RBM39: variants seen among roughly 807,000 people sequenced by gnomAD.
RBM39 encodes the protein RNA-binding protein 39.
A neutral mutation model predicts 79.6 loss-of-function variants in RBM39; 12 were observed. That is an observed-to-expected ratio of 0.15 (90% CI 0.10 to 0.24). The LOEUF (loss-of-function observed/expected upper bound fraction) is 0.24, where lower values mean the gene tolerates loss of function less well. Ranked by LOEUF, RBM39 falls within the 10% of genes least tolerant of loss-of-function variation. RBM39 has a pLI of 1.00. For missense variants in RBM39, 243 were observed against 653.4 expected (o/e 0.37, Z 6.85); for synonymous variants, 185 against 208.4 (o/e 0.89, Z 0.97).
At chr20:35,731,791 CTAG>C in intron 4 of RBM39, 147 bp downstream of exon 4, 2 of 793,202 alleles carry the variant, frequency 2.5e-6, no homozygotes, top group Non-Finnish European at 4.1e-6. Flanking sequence ...TTTCACTTTA[CTAG>C]TATTCAATGC....
At chr20:35,734,152 G>C (rs1003520676) in intron 3 of RBM39, 23 of 1,230,744 alleles carry the variant, frequency 1.9e-5, no homozygotes, top group Non-Finnish European at 2.4e-5. Flanking sequence ...GTCATCTTTA[G>C]AGTGCATTGA....
chr20:35,731,572 A>G (rs1247826184), intron 4 of RBM39: 1 of 191,964 alleles, frequency 5.2e-6, no homozygotes, highest in Non-Finnish European at 1.1e-5. Flanking sequence ...TTAAGTAAAT[A>G]TGTATTTAGC....
chr20:35,704,789 C>G (rs774289801), intron 15 of RBM39, 43 bp from the exon 16 acceptor site: 1 of 1,540,290 alleles, frequency 6.5e-7, no homozygotes, highest in South Asian at 1.1e-5. Flanking sequence ...TTGCTGTATG[C>G]AAAATGGACC....
At chr20:35,740,737 G>T (rs1424992406) in intron 2 of RBM39, 87 bp downstream of exon 2, 4 of 1,406,458 alleles carry the variant, frequency 2.8e-6, no homozygotes, top group Non-Finnish European at 4.0e-6. Flanking sequence ...GAGGGCTCCG[G>T]GGAGGTTAGT....
At chr20:35,707,256 CAT>C (rs1171536943) in intron 13 of RBM39, 55 bp from the exon 14 acceptor site, 19 of 1,296,532 alleles carry the variant, frequency 1.5e-5, no homozygotes, top group Non-Finnish European at 1.9e-5. Context: ...AAGTATCCCT[CAT>C]AAATACTTTA....
chr20:35,731,873 A>C, intron 4 of RBM39, 68 bp downstream of exon 4: 2 of 1,352,240 alleles, frequency 1.5e-6, no homozygotes, highest in South Asian at 1.2e-5. Flanking sequence ...CAAATCACTC[A>C]AGTTAAACTG....
chr20:35,737,711 T>TGC, intron 3 of RBM39, among the ~76,000 whole-genome samples: 1 of 150,786 alleles, frequency 6.6e-6, no homozygotes, highest in Non-Finnish European at 1.5e-5. Context: ...TAGCCAGGCA[T>TGC]GGTGGCAGGC....
At chr20:35,734,817 C>T in intron 3 of RBM39, 2 of 1,386,824 alleles carry the variant, frequency 1.4e-6, no homozygotes, top group Non-Finnish European at 1.9e-6. Context: ...AGTATATTTC[C>T]AGCTTCAAAG....
intron 9 of RBM39, among the ~76,000 whole-genome samples, chr20:35,717,646 C>A (rs1397411163): frequency 6.6e-6 from 1 of 152,158 alleles, no homozygotes; most frequent in Non-Finnish European, 1.5e-5. Context: ...TGAACTGTAA[C>A]ACAATCTCCT....
intron 12 of RBM39, chr20:35,710,445 T>G (rs930149251): frequency 1.3e-5 from 2 of 152,186 alleles, no homozygotes; most frequent in Non-Finnish European, 2.9e-5. Flanking sequence ...AATGTATAGA[T>G]ATCAGAAATC....
chr20:35,722,438 A>T (rs1429733451), intron 8 of RBM39, among the ~76,000 whole-genome samples: 90 of 133,082 alleles, frequency 6.8e-4, no homozygotes, highest in African/African-American at 2.4e-3. Flanking sequence ...AAAAATAAAA[A>T]TAAAAAGTTT....
At position 35,736,427 on chromosome 20, in the gene RBM39, C is replaced by T. The variant is rs1327050283; in HGVS notation, c.101+2541G>A. 3 of 323,450 alleles carry T rather than the reference C, an allele frequency of 9.3e-6. No homozygotes were observed. The Admixed American group carries it at 1.2e-4, about 13-fold the overall frequency. The allele number at this position is 323,450 out of a possible 1,614,324, so 20.0% of individuals were successfully genotyped here. A position where few individuals can be genotyped will look rare whatever the true frequency, so the allele number is the denominator to read the frequency against. The stretch of plus-strand genomic sequence containing the variant: ...CCATTACCACATTATTTTAGGGGAA[C>T]TACAAAAAAAAAAAATAGTGGCTTA... On this transcript the variant is annotated intron_variant, in intron 3 of 16. Transcript: ENST00000253363.
At chr20:35,722,769 T>C (rs2038142028) in intron 8 of RBM39, among the ~76,000 whole-genome samples, 2 of 151,392 alleles carry the variant, frequency 1.3e-5, no homozygotes, top group Admixed American at 6.6e-5. Context: ...CCGTCTCTAC[T>C]AAAAATACAA....
intron 12 of RBM39, among the ~76,000 whole-genome samples, chr20:35,711,726 T>C (rs2036442171): frequency 6.6e-6 from 1 of 152,196 alleles, no homozygotes; most frequent in Admixed American, 6.5e-5. Context: ...TAATTGAATA[T>C]TGAGCTTTCA....
intron 13 of RBM39, chr20:35,707,930 C>T (rs1041441303): frequency 4.3e-6 from 2 of 465,930 alleles, no homozygotes; most frequent in South Asian, 1.6e-5. Context: ...GTAGCTGTTA[C>T]AGAACTCACC....
chr20:35,727,263 T>A (rs6119645), intron 6 of RBM39, among the ~76,000 whole-genome samples: 2 of 151,856 alleles, frequency 1.3e-5, no homozygotes, highest in Admixed American at 1.3e-4. Context: ...CTGGGTGGGA[T>A]TGCTTATGAC....
In RBM39 at chr20:35,703,789, A is replaced by G. The variant is rs1249709707; in HGVS notation, c.*692T>C. The G allele has an allele frequency of 6.6e-6, 1 of 152,468 alleles. No homozygotes were observed. The highest frequency in any genetic ancestry group is 2.4e-5 in the African/African-American group (1 of 41,432). 9.4% of individuals were successfully genotyped at this position (152,468 alleles called of 1,614,324 possible). ...GATTATATGCAACCAGACAAAACCT[A>G]TTTCTGCATTTCCTATTTCTTTCTC... On this transcript the variant is annotated 3_prime_UTR_variant, in exon 17 of 17. Transcript: ENST00000253363.
chr20:35,736,421 G>T, intron 3 of RBM39: 1 of 324,440 alleles, frequency 3.1e-6, no homozygotes. Context: ...CATTATTTTA[G>T]GGGAACTACA....
chr20:35,731,359 CTT>C (rs1350497457), intron 4 of RBM39: 1 of 152,180 alleles, frequency 6.6e-6, no homozygotes, highest in Non-Finnish European at 1.5e-5. Flanking sequence ...CTTCAAAACA[CTT>C]TTAGTTTGGA....
Sources: gnomAD v4.1 joint callset for allele counts (sites outside exome capture counted in the v4.1 genomes callset) on GRCh38, gnomAD v4.1.1 for gene constraint, MANE v1.5 for transcripts, NCBI Gene and HGNC (gene_info 2026-07-23, HGNC 2026-07-21) for gene names.